The following NKAIN2 variants were observed in gnomAD, a reference collection of about 807,000 sequenced individuals.
The protein encoded by NKAIN2 is sodium/potassium-transporting ATPase subunit beta-1-interacting protein 2.
NKAIN2 carries 14 observed loss-of-function variants against 32.6 expected under a neutral mutation model. The ratio of observed to expected loss-of-function variants is 0.43; its 90% CI spans 0.28 to 0.67. The LOEUF is 0.67. Among genes scored for constraint, NKAIN2 ranks in the 30% least tolerant of loss-of-function variants. The pLI is 0.17. For missense variants in NKAIN2, 198 were observed against 258.3 expected (o/e 0.77, Z 1.60); for synonymous variants, 80 against 87.2 (o/e 0.92, Z 0.46).
chr6:124,086,354 G>A (rs1025806435), intron 1 of NKAIN2, among the ~76,000 whole-genome samples: 7 of 151,910 alleles, frequency 4.6e-5, no homozygotes, highest in African/African-American at 1.7e-4. Flanking sequence ...TCATGGACTG[G>A]CTCTCTGATT....
At chr6:123,853,341 C>T (rs1279666355) in intron 1 of NKAIN2, among the ~76,000 whole-genome samples, 1 of 152,166 alleles carries the variant, frequency 6.6e-6, no homozygotes, top group Non-Finnish European at 1.5e-5. Context: ...ATTCACAAAT[C>T]TACAATAGAA....
intron 3 of NKAIN2, among the ~76,000 whole-genome samples, chr6:124,608,182 C>G (rs180757598): frequency 6.6e-6 from 1 of 152,240 alleles, no homozygotes; most frequent in East Asian, 1.9e-4. Flanking sequence ...ATGAACCAAA[C>G]TTTTTGGCTT....
chr6:124,180,700 A>C (rs1448251822), intron 1 of NKAIN2, among the ~76,000 whole-genome samples: 1 of 152,146 alleles, frequency 6.6e-6, no homozygotes, highest in African/African-American at 2.4e-5. Flanking sequence ...CTTTCTACCT[A>C]TGAGCCTGTA....
At chr6:123,935,471 A>G (rs1776459522) in intron 1 of NKAIN2, among the ~76,000 whole-genome samples, 1 of 151,816 alleles carries the variant, frequency 6.6e-6, no homozygotes, top group African/African-American at 2.4e-5. Context: ...AACTATCAGT[A>G]TATCTAGATA....
intron 1 of NKAIN2, among the ~76,000 whole-genome samples, chr6:123,919,352 T>A (rs1349348891): frequency 6.6e-6 from 1 of 152,050 alleles, no homozygotes; most frequent in Admixed American, 6.6e-5. Flanking sequence ...TTATTAAATA[T>A]ATTTAATATA....
intron 3 of NKAIN2, among the ~76,000 whole-genome samples, chr6:124,564,967 T>C (rs1304843548): frequency 6.6e-6 from 1 of 152,258 alleles, no homozygotes; most frequent in Middle Eastern, 3.4e-3. Flanking sequence ...GTTTAACAAC[T>C]AATAAAAACT....
chr6:124,152,925 T>A (rs1278327448), intron 1 of NKAIN2, among the ~76,000 whole-genome samples: 1 of 151,942 alleles, frequency 6.6e-6, no homozygotes, highest in East Asian at 1.9e-4. Context: ...TTATATGTTC[T>A]CACATGTAAA....
chr6:124,490,412 G>T (rs1043140006), intron 3 of NKAIN2: 47 of 312,920 alleles, frequency 1.5e-4, no homozygotes, highest in South Asian at 3.9e-4. Flanking sequence ...AATCATAGAG[G>T]TTTTTTTTTT....
chr6:124,510,527 A>G (rs184726865), intron 3 of NKAIN2, among the ~76,000 whole-genome samples: 1 of 152,348 alleles, frequency 6.6e-6, no homozygotes, highest in Non-Finnish European at 1.5e-5. Context: ...TCTGCATGCC[A>G]TCTTTATAAA....
At chr6:124,197,306 ACT>A (rs899597754) in intron 1 of NKAIN2, among the ~76,000 whole-genome samples, 4 of 146,880 alleles carry the variant, frequency 2.7e-5, no homozygotes, top group East Asian at 2.0e-4. Flanking sequence ...CCTCTCTTTC[ACT>A]CTGTTTTCCT....
chr6:124,456,173 A>T (rs1776314285), intron 3 of NKAIN2, among the ~76,000 whole-genome samples: 1 of 151,952 alleles, frequency 6.6e-6, no homozygotes, highest in Admixed American at 6.6e-5. Flanking sequence ...TTCCCTCAAT[A>T]CATTTTGGAC....
intron 1 of NKAIN2, among the ~76,000 whole-genome samples, chr6:124,192,069 C>T (rs1790048901): frequency 6.6e-6 from 1 of 151,760 alleles, no homozygotes; most frequent in South Asian, 2.1e-4. Flanking sequence ...TGATTTTTTT[C>T]CTATGGTTTT....
At chr6:124,764,098 G>A (rs897853295) in intron 4 of NKAIN2, among the ~76,000 whole-genome samples, 1 of 152,132 alleles carries the variant, frequency 6.6e-6, no homozygotes, top group African/African-American at 2.4e-5. Flanking sequence ...CTTATTCTGA[G>A]GAGTGGAAGA....
At chr6:123,932,548 C>G (rs1359568479) in intron 1 of NKAIN2, among the ~76,000 whole-genome samples, 4 of 151,554 alleles carry the variant, frequency 2.6e-5, no homozygotes, top group African/African-American at 7.3e-5. Flanking sequence ...TCCTGAGTAG[C>G]TGGGACTACA....
intron 1 of NKAIN2, among the ~76,000 whole-genome samples, chr6:123,852,247 T>A (rs1775378215): frequency 6.6e-6 from 1 of 151,646 alleles, no homozygotes; most frequent in African/African-American, 2.4e-5. Flanking sequence ...AATGGCTAAA[T>A]CAAGTTAATT....
At chr6:124,052,118 T>C (rs1782439054) in intron 1 of NKAIN2, among the ~76,000 whole-genome samples, 1 of 152,062 alleles carries the variant, frequency 6.6e-6, no homozygotes, top group African/African-American at 2.4e-5. Context: ...TTTACAGAAT[T>C]TTCACACACG....
intron 4 of NKAIN2, among the ~76,000 whole-genome samples, chr6:124,736,324 G>C (rs1019358630): frequency 1.3e-5 from 2 of 151,900 alleles, no homozygotes; most frequent in Non-Finnish European, 2.9e-5. Context: ...TCTATAACAT[G>C]AAAGTGTAAA....
At chr6:124,328,923 G>T (rs1041401369) in intron 2 of NKAIN2, among the ~76,000 whole-genome samples, 1 of 152,138 alleles carries the variant, frequency 6.6e-6, no homozygotes, top group Non-Finnish European at 1.5e-5. Flanking sequence ...ACACTCCGTG[G>T]ACCCACTTGC....
intron 1 of NKAIN2, among the ~76,000 whole-genome samples, chr6:123,972,466 A>G (rs2114639904): frequency 6.6e-6 from 1 of 152,354 alleles, no homozygotes; most frequent in East Asian, 1.9e-4. Context: ...AACTGGAGAT[A>G]GGAACTAAGG....
Sources: allele counts gnomAD v4.1 joint callset (sites outside exome capture counted in the v4.1 genomes callset), GRCh38; gene constraint gnomAD v4.1.1; transcripts MANE v1.5; gene names NCBI Gene and HGNC (gene_info 2026-07-23, HGNC 2026-07-21).